Variants in ADCY8 observed in about 807,000 individuals in gnomAD.
ADCY8 encodes the protein adenylate cyclase type 8.
In ADCY8, 51 loss-of-function variants were observed where a neutral mutation model predicts 119.7. The ratio of observed to expected loss-of-function variants is 0.43; its 90% CI spans 0.34 to 0.54. The LOEUF is 0.54. Ranked by LOEUF, ADCY8 falls within the 20% of genes least tolerant of loss-of-function variation. The pLI is 0.03. For missense variants in ADCY8, 1,383 were observed against 1,598.8 expected (o/e 0.87, Z 2.30); for synonymous variants, 665 against 651.0 (o/e 1.02, Z -0.33).
intron 11 of ADCY8, among the ~76,000 whole-genome samples, chr8:130,846,888 T>TTCCTTCCTTCCTGCCTGCCTGCCTGCC (rs56726941): frequency 2.0e-4 from 4 of 19,834 alleles, no homozygotes; most frequent in African/African-American, 9.8e-4. Flanking sequence ...TTCCCTTCCC[T>TTCCTTCCTTCCTGCCTGCCTGCCTGCC]TTCCTTCCTT....
rs78091167 is a variant in ADCY8, at chr8:130,920,769, A to G, written c.1482-10903T>C. 5.9e-3 allele frequency among the ~76,000 whole-genome samples: 895 copies of G among 152,292 alleles called. 12 individuals carry two copies. Among genetic ancestry groups the G allele is most frequent in the African/African-American group, 0.021 (876 of 41,562 alleles). On this transcript the variant is annotated intron_variant, in intron 5 of 17. Transcript: ENST00000286355. ...GTGAGATGAACATTTAAATCAGTAG[A>G]CTGAGTAAATCAGATTACCCTCCAC...
intron 5 of ADCY8, among the ~76,000 whole-genome samples, chr8:130,923,336 G>T (rs545693397): frequency 6.6e-6 from 1 of 152,312 alleles, no homozygotes; most frequent in Non-Finnish European, 1.5e-5. Context: ...GAGGCTGGGA[G>T]GCAGGTTTAG....
chr8:131,040,222 A>G lies in ADCY8; in HGVS notation c.112T>C (p.Trp38Arg). 1 of 1,540,432 alleles carries G rather than the reference A, an allele frequency of 6.5e-7. No individual in the cohort carries two copies. ...RSASRPQRLL[W>R]QTAVRHITEQ... ...GTGATGTGTCGCACCGCCGTCTGCC[A>G]CAGCAGCCGCTGCGGCCGGGAGGCG... The change falls in exon 1 of 18, where the codon TGG becomes CGG. Residue 38 changes from tryptophan to arginine, a missense_variant. Transcript: ENST00000286355.
rs1438886410 is a variant in ADCY8 at position 130,953,500 on chromosome 8, G to A, written c.1111-1502C>T. ...GCACAACCTGAACAGTTAATCAAGCGGCAGTTGCAGGGTACGGTCCTTTCC... is the reference window on the plus strand; with the variant it reads ...GCACAACCTGAACAGTTAATCAAGCAGCAGTTGCAGGGTACGGTCCTTTCC... On this transcript the variant is annotated intron_variant, in intron 2 of 17. Coordinates refer to ENST00000286355, the MANE Select transcript of ADCY8 (RefSeq NM_001115.3). 3.9e-5 allele frequency among the ~76,000 whole-genome samples: 6 copies of A among 152,102 alleles called. 1 individual carries two copies. The South Asian group carries it at 8.3e-4, about 21-fold the overall frequency.
chr8:130,969,819 G>A (rs965816409), intron 2 of ADCY8, among the ~76,000 whole-genome samples: 4 of 152,176 alleles, frequency 2.6e-5, no homozygotes, highest in Admixed American at 2.6e-4. Flanking sequence ...AACAGATAAG[G>A]AAACTGAGGC....
At chr8:130,884,542 C>T (rs371954542) in intron 8 of ADCY8, 22 bp downstream of exon 8, 37 of 1,612,234 alleles carry the variant, frequency 2.3e-5, no homozygotes, top group African/African-American at 5.3e-5. Context: ...GAAAAAGAGC[C>T]GCTGTGGAGA....
intron 2 of ADCY8, among the ~76,000 whole-genome samples, chr8:130,961,985 A>G (rs1821620221): frequency 6.6e-6 from 1 of 152,168 alleles, no homozygotes; most frequent in Non-Finnish European, 1.5e-5. Context: ...TAAAAAGAAA[A>G]CAACATTATT....
At chr8:130,877,841 G>C (rs559324817) in intron 8 of ADCY8, among the ~76,000 whole-genome samples, 1 of 152,204 alleles carries the variant, frequency 6.6e-6, no homozygotes, top group South Asian at 2.1e-4. Flanking sequence ...GAGATTGTTG[G>C]AAGCACCTCT....
rs1471866696 is a variant in ADCY8, at chr8:130,794,523, A to G, written c.3060+5903T>C. Among the ~76,000 whole-genome samples, 4 of 152,224 alleles carry G rather than the reference A, an allele frequency of 2.6e-5. No homozygotes were observed. The East Asian group carries it at 5.8e-4, about 22-fold the overall frequency. On this transcript the variant is annotated intron_variant, in intron 15 of 17. Transcript: ENST00000286355. ...CCTTCCAAGGTGCTGGGATTAAGGC[A>G]TGAGCCACGACGGCCAGCCTCTGTT...
chr8:130,836,028 C>T (rs1265494606), intron 12 of ADCY8, among the ~76,000 whole-genome samples: 1 of 152,132 alleles, frequency 6.6e-6, no homozygotes, highest in Non-Finnish European at 1.5e-5. Context: ...AGTGATCAGA[C>T]TTGGAGGAGA....
At chr8:130,811,063 G>C (rs1816148318) in intron 14 of ADCY8, among the ~76,000 whole-genome samples, 1 of 152,062 alleles carries the variant, frequency 6.6e-6, no homozygotes, top group Non-Finnish European at 1.5e-5. Context: ...GCTTCATCAA[G>C]AAGCTCTTGC....
At chr8:130,921,449 CTTTTTTT>C (rs35570520) in intron 5 of ADCY8, among the ~76,000 whole-genome samples, 1 of 107,656 alleles carries the variant, frequency 9.3e-6, no homozygotes, top group Non-Finnish European at 2.0e-5. Flanking sequence ...TTTTTCTTTT[CTTTTTTT>C]TTTTTTTTTT....
intron 8 of ADCY8, among the ~76,000 whole-genome samples, chr8:130,879,225 G>C (rs7813636): frequency 0.11 from 17,308 of 152,084 alleles, 1,150 homozygotes; most frequent in African/African-American, 0.18. Context: ...AAAATGGAAG[G>C]GCCCAAGATA....
chr8:130,869,502 TTG>T, intron 8 of ADCY8, among the ~76,000 whole-genome samples: 1 of 133,758 alleles, frequency 7.5e-6, no homozygotes, highest in Non-Finnish European at 1.5e-5. Flanking sequence ...TTTTTTTATT[TTG>T]TTTATTTTTT....
chr8:130,882,745 T>A (rs1264005837), intron 8 of ADCY8, among the ~76,000 whole-genome samples: 1 of 152,244 alleles, frequency 6.6e-6, no homozygotes, highest in Non-Finnish European at 1.5e-5. Context: ...TTAGAAATAG[T>A]GCCTGGTACT....
At chr8:130,980,642 A>G (rs140973123) in intron 2 of ADCY8, among the ~76,000 whole-genome samples, 316 of 152,318 alleles carry the variant, frequency 2.1e-3, no homozygotes, top group African/African-American at 7.1e-3. Context: ...GAAATACTGC[A>G]AGGGCAAATG....
At chr8:130,794,711 A>T (rs1460455086) in intron 15 of ADCY8, among the ~76,000 whole-genome samples, 5 of 152,256 alleles carry the variant, frequency 3.3e-5, no homozygotes, top group African/African-American at 9.6e-5. Flanking sequence ...TTCTCACAGC[A>T]CATGAATTTT....
intron 2 of ADCY8, among the ~76,000 whole-genome samples, chr8:130,989,387 G>A (rs1447249407): frequency 6.6e-6 from 1 of 152,186 alleles, no homozygotes; most frequent in East Asian, 1.9e-4. Context: ...AATTAATCAT[G>A]AAGAAAATGT....
chr8:130,973,429 C>T (rs1722003792), intron 2 of ADCY8, among the ~76,000 whole-genome samples: 1 of 152,174 alleles, frequency 6.6e-6, no homozygotes, highest in African/African-American at 2.4e-5. Flanking sequence ...TATGAATGTA[C>T]CTGCACTAGC....
Sources: allele counts gnomAD v4.1 joint callset (sites outside exome capture counted in the v4.1 genomes callset), GRCh38; gene constraint gnomAD v4.1.1; transcripts MANE v1.5; gene names NCBI Gene and HGNC (gene_info 2026-07-23, HGNC 2026-07-21).